The following QTMAN variants were observed in gnomAD, a reference collection of about 807,000 sequenced individuals.
QTMAN encodes the protein queuosine-tRNA mannosyltransferase.
At chr2:144,172,886 G>A in the QTMAN span, among the ~76,000 whole-genome samples, 22 of 152,176 alleles carry the variant, frequency 1.4e-4, no homozygotes, top group South Asian at 2.1e-4. Flanking sequence ...GTGGCGTTGC[G>A]GGGTGGGGGG....
chr2:144,248,798 T>C, the QTMAN span, among the ~76,000 whole-genome samples: 1 of 152,090 alleles, frequency 6.6e-6, no homozygotes, highest in African/African-American at 2.4e-5. Flanking sequence ...GGGATAATAG[T>C]CATATAAAAT....
chr2:144,296,209 T>A, the QTMAN span, among the ~76,000 whole-genome samples: 2 of 152,286 alleles, frequency 1.3e-5, no homozygotes, highest in East Asian at 1.9e-4. Context: ...AAGATAGGAA[T>A]AATTTGTGTT....
the QTMAN span, among the ~76,000 whole-genome samples, chr2:144,133,999 G>A: frequency 6.6e-6 from 1 of 152,200 alleles, no homozygotes; most frequent in Admixed American, 6.6e-5. Flanking sequence ...TATCTGAGAA[G>A]TATGACCACA....
At chr2:144,092,755 C>G in the QTMAN span, among the ~76,000 whole-genome samples, 2 of 152,118 alleles carry the variant, frequency 1.3e-5, no homozygotes, top group East Asian at 1.9e-4. Flanking sequence ...CTAATTTTAG[C>G]CACTCATAGG....
chr2:144,144,972 G>A, the QTMAN span, among the ~76,000 whole-genome samples: 24 of 150,376 alleles, frequency 1.6e-4, no homozygotes, highest in Non-Finnish European at 2.9e-4. Context: ...ACACTTTGTC[G>A]AAGTAACAAT....
chr2:144,165,704 T>C, the QTMAN span, among the ~76,000 whole-genome samples: 7 of 152,198 alleles, frequency 4.6e-5, no homozygotes, highest in Non-Finnish European at 8.8e-5. Context: ...TCAATAAATA[T>C]GCTCTTATGC....
the QTMAN span, among the ~76,000 whole-genome samples, chr2:143,990,438 G>C: frequency 6.6e-6 from 1 of 152,204 alleles, no homozygotes; most frequent in African/African-American, 2.4e-5. Context: ...GCCAAGGTCA[G>C]AGAAGAGAAA....
the QTMAN span, among the ~76,000 whole-genome samples, chr2:143,988,689 G>A: frequency 6.6e-6 from 1 of 152,218 alleles, no homozygotes; most frequent in African/African-American, 2.4e-5. Context: ...GTGTTCAGTG[G>A]TAAAGGACGG....
the QTMAN span, among the ~76,000 whole-genome samples, chr2:144,307,163 A>T: frequency 1.1e-5 from 1 of 91,958 alleles, no homozygotes; most frequent in African/African-American, 2.8e-5. Flanking sequence ...CCGTCTTAAA[A>T]AAAAAAAAAA....
chr2:144,123,927 T>G, the QTMAN span, among the ~76,000 whole-genome samples: 1 of 152,110 alleles, frequency 6.6e-6, no homozygotes, highest in Non-Finnish European at 1.5e-5. Context: ...TTTAAAGTAA[T>G]TTACAGATTA....
the QTMAN span, among the ~76,000 whole-genome samples, chr2:144,168,764 A>C: frequency 6.6e-6 from 1 of 152,120 alleles, no homozygotes; most frequent in African/African-American, 2.4e-5. Context: ...TTACTTTAAG[A>C]AAGTTATAAA....
At chr2:143,944,859 T>C in the QTMAN span, 4 of 151,974 alleles carry the variant, frequency 2.6e-5, no homozygotes, top group African/African-American at 9.7e-5. Context: ...ATATTATATT[T>C]GCCTAAATCA....
At chr2:143,955,187 G>T in the QTMAN span, among the ~76,000 whole-genome samples, 1 of 151,960 alleles carries the variant, frequency 6.6e-6, no homozygotes, top group Non-Finnish European at 1.5e-5. Flanking sequence ...ACTTTTTTGT[G>T]TGATGCAAGG....
the QTMAN span, among the ~76,000 whole-genome samples, chr2:144,181,581 G>A: frequency 2.6e-5 from 4 of 152,042 alleles, no homozygotes; most frequent in African/African-American, 9.7e-5. Flanking sequence ...GAAATACTGA[G>A]GTGTGTGAAT....
the QTMAN span, among the ~76,000 whole-genome samples, chr2:144,029,846 A>T: frequency 6.6e-6 from 1 of 151,636 alleles, no homozygotes; most frequent in South Asian, 2.1e-4. Flanking sequence ...CTAATGTGTT[A>T]TTACAATTAT....
At chr2:144,252,742 TTGA>T in the QTMAN span, among the ~76,000 whole-genome samples, 1 of 152,204 alleles carries the variant, frequency 6.6e-6, no homozygotes, top group Non-Finnish European at 1.5e-5. Flanking sequence ...ACTGTGCTTC[TTGA>T]TATTTATCCA....
chr2:144,061,765 A>G, the QTMAN span, among the ~76,000 whole-genome samples: 1 of 151,796 alleles, frequency 6.6e-6, no homozygotes, highest in African/African-American at 2.4e-5. Flanking sequence ...GGCCTGCCAC[A>G]CCCCCCATCC....
chr2:144,329,547 T>C, the QTMAN span, among the ~76,000 whole-genome samples: 20 of 152,232 alleles, frequency 1.3e-4, no homozygotes, highest in Non-Finnish European at 2.5e-4. Flanking sequence ...CAATTCAGGT[T>C]GTCACACTTT....
At chr2:144,058,913 T>G in the QTMAN span, among the ~76,000 whole-genome samples, 1 of 152,198 alleles carries the variant, frequency 6.6e-6, no homozygotes, top group East Asian at 1.9e-4. Context: ...AGACAATTAG[T>G]GCCTCATTTC....
Sources: allele counts gnomAD v4.1 joint callset (sites outside exome capture counted in the v4.1 genomes callset), GRCh38; gene constraint gnomAD v4.1.1; transcripts MANE v1.5; gene names NCBI Gene and HGNC (gene_info 2026-07-23, HGNC 2026-07-21).